The following LMF1 variants were observed in gnomAD, a reference collection of about 807,000 sequenced individuals.
LMF1 encodes the protein transmembrane protein 112.
LMF1 carries 68 observed loss-of-function variants against 60.6 expected under a neutral mutation model. The observed-to-expected ratio is 1.12, with a 90% CI of 0.92 to 1.37. The LOEUF (loss-of-function observed/expected upper bound fraction) is 1.37. Ranked by LOEUF, LMF1 falls within the 40% of genes most tolerant of loss-of-function variation. The pLI, the probability that LMF1 is intolerant of heterozygous loss-of-function variation, is 0.00. For synonymous variants in LMF1, 418 were observed against 324.7 expected, an observed-to-expected ratio of 1.29 and a Z score of -3.09; for missense variants, 948 against 767.2, an observed-to-expected ratio of 1.24 and a Z score of -2.78.
chr16:916,483 C>T (rs1169557617), intron 3 of LMF1, among the ~76,000 whole-genome samples: 1 of 152,220 alleles, frequency 6.6e-6, no homozygotes, highest in African/African-American at 2.4e-5. Flanking sequence ...TATGAAATAG[C>T]ACTGCAAATC....
At chr16:875,459 A>C (rs974588880) in intron 6 of LMF1, among the ~76,000 whole-genome samples, 1 of 152,070 alleles carries the variant, frequency 6.6e-6, no homozygotes, top group African/African-American at 2.4e-5. Context: ...TCCCCATTCC[A>C]TGTCACGGTA....
chr16:976,112 C>T (rs2073134642), intron 1 of LMF1: 2 of 360,238 alleles, frequency 5.6e-6, no homozygotes, highest in Non-Finnish European at 5.2e-6. Flanking sequence ...AGTCAGTCCT[C>T]TCCTGCTGAT....
rs1440053289 is a variant in LMF1 at position 960,351 on chromosome 16, A to G, written c.194-5685T>C. 2.8e-5 allele frequency among the ~76,000 whole-genome samples: 3 copies of G among 108,738 alleles called. 1 individual carries two copies. The highest frequency in any genetic ancestry group is 1.2e-4 in the African/African-American group (3 of 25,812). The allele number at this position is 108,738 out of a possible 152,430, so 71.3% of individuals were successfully genotyped here. A position where few individuals can be genotyped will look rare whatever the true frequency, so the allele number is the denominator to read the frequency against. ...CACAGACTCACGGTGACAGCACGGG[A>G]TCACGACCCAGACACAGACTCACGG... On this transcript the variant is annotated intron_variant, in intron 1 of 10. Coordinates refer to ENST00000262301, the MANE Select transcript of LMF1 (RefSeq NM_022773.4).
rs1567278563 is a variant in LMF1, at chr16:939,026, C to G, written c.504-4772G>C. On this transcript the variant is annotated intron_variant, in intron 2 of 10. Coordinates refer to ENST00000262301, the MANE Select transcript of LMF1 (RefSeq NM_022773.4). ...GGGTTACACCTTCCACGTGCATTTA[C>G]CTTCCCGGACAGCAGGGCCTCTTAC... Among the ~76,000 whole-genome samples the G allele has an allele frequency of 3.9e-5, 6 of 152,134 alleles. No individual in the cohort carries two copies. The South Asian group carries it at 1.2e-3, about 32-fold the overall frequency.
intron 2 of LMF1, among the ~76,000 whole-genome samples, chr16:944,485 C>T (rs955831724): frequency 3.9e-5 from 6 of 152,220 alleles, no homozygotes; most frequent in African/African-American, 1.2e-4. Context: ...TGCTGGGTGC[C>T]CTAGCTGTGG....
chr16:871,421 A>T, intron 6 of LMF1, 80 bp from the exon 7 acceptor site: 24 of 1,227,704 alleles, frequency 2.0e-5, no homozygotes, highest in Non-Finnish European at 2.8e-5. Flanking sequence ...TTCCTGGAGC[A>T]GGGAGGGGGG....
intron 6 of LMF1, among the ~76,000 whole-genome samples, chr16:876,951 T>C (rs540207738): frequency 6.6e-6 from 1 of 152,304 alleles, no homozygotes; most frequent in Admixed American, 6.5e-5. Flanking sequence ...TCAGTTGAGA[T>C]ATACGGGCCT....
rs140686463 is a variant in LMF1, at chr16:871,046, C to T, written c.1078+115G>A. On this transcript the variant is annotated intron_variant, in intron 7 of 10. Transcript: ENST00000262301. ...TGTTCCTGGCACGCTACACTGCGGA[C>T]GGCGCTGACTCTCCTCCTACCCTGG... The T allele has an allele frequency of 2.9e-4, 411 of 1,395,324 alleles. 1 individual carries two copies. In the African/African-American group the frequency reaches 4.1e-3, roughly 14 times the overall value. 86.4% of individuals were successfully genotyped at this position (1,395,324 alleles called of 1,614,324 possible). A position where few individuals can be genotyped will look rare whatever the true frequency, so the allele number is the denominator to read the frequency against.
chr16:900,193 G>C (rs779767915), intron 4 of LMF1: 2 of 152,242 alleles, frequency 1.3e-5, no homozygotes, highest in African/African-American at 2.4e-5. Context: ...TTAGTTACTG[G>C]AGTTTCCACG....
chr16:879,466 G>T, intron 6 of LMF1, 104 bp downstream of exon 6: 1 of 1,323,658 alleles, frequency 7.6e-7, no homozygotes. Context: ...AAGAAAGGGG[G>T]CCTGTAATGC....
intron 3 of LMF1, among the ~76,000 whole-genome samples, chr16:931,250 G>A (rs1259840628): frequency 6.6e-6 from 1 of 152,242 alleles, no homozygotes; most frequent in Non-Finnish European, 1.5e-5. Context: ...ATTAATTTTA[G>A]AAACACATGT....
chr16:908,287 T>G (rs559628872), intron 4 of LMF1, among the ~76,000 whole-genome samples: 2 of 152,266 alleles, frequency 1.3e-5, no homozygotes, highest in African/African-American at 2.4e-5. Flanking sequence ...TCTAATTAAA[T>G]GGAAAAGTAA....
intron 2 of LMF1, among the ~76,000 whole-genome samples, chr16:944,571 C>T (rs72769403): frequency 0.065 from 9,889 of 152,322 alleles, 331 homozygotes; most frequent in Non-Finnish European, 0.073. Flanking sequence ...GGACAGCAGT[C>T]CTGGGCACCT....
upstream of LMF1, among the ~76,000 whole-genome samples, chr16:971,440 G>T (rs925466987): frequency 1.3e-5 from 2 of 152,268 alleles, no homozygotes; most frequent in African/African-American, 4.8e-5. Context: ...CTCTGCGGAG[G>T]AGGGTGCTAG....
rs2070071236 is a variant in LMF1 at position 878,747 on chromosome 16, G to GGGGCCGGGGC, written c.897+822_897+823insGCCCCGGCCC. On this transcript the variant is annotated intron_variant, in intron 6 of 10. Transcript: ENST00000262301. This position sits in a 1 kb window ranked among gnomAD's most constrained non-coding sequence, Gnocchi z 5.2. ...GGGTGGGCAGGGCAGGGGAAGGGCG[G>GGGGCCGGGGC]GGGCAGGGGCGGGCAGGGCAGGGGA... Among the ~76,000 whole-genome samples the GGGGCCGGGGC allele has an allele frequency of 7.0e-6, 1 of 142,868 alleles. No homozygotes were observed. Among genetic ancestry groups the GGGGCCGGGGC allele is most frequent in the African/African-American group, 2.8e-5 (1 of 36,134 alleles). The allele number at this position is 142,868 out of a possible 152,430, so 93.7% of individuals were successfully genotyped here.
Position 878,834 on chromosome 16 carries a change from G to C in LMF1, c.897+736C>G, listed in dbSNP as rs998121131. On this transcript the variant is annotated intron_variant, in intron 6 of 10. Transcript: ENST00000262301. This position sits in a 1 kb window ranked among gnomAD's most constrained non-coding sequence, Gnocchi z 5.2. Reference sequence around the variant, plus strand: ...AGCACGTGGAACGCCACCTGGACCTGTGCATTTTCCTGGCTGTATGTTACA... The same window carrying C: ...AGCACGTGGAACGCCACCTGGACCTCTGCATTTTCCTGGCTGTATGTTACA... Among the ~76,000 whole-genome samples the C allele has an allele frequency of 8.5e-5, 13 of 152,174 alleles. No homozygotes were observed. Among genetic ancestry groups the C allele is most frequent in the African/African-American group, 2.9e-4 (12 of 41,410 alleles).
At chr16:867,522 G>A (rs1219682830) in intron 10 of LMF1, among the ~76,000 whole-genome samples, 1 of 152,198 alleles carries the variant, frequency 6.6e-6, no homozygotes, top group Non-Finnish European at 1.5e-5. Flanking sequence ...AGCCTCGAAG[G>A]ACGAGCTCTG....
chr16:973,270 G>A (rs1405494570), upstream of LMF1, among the ~76,000 whole-genome samples: 8 of 152,170 alleles, frequency 5.3e-5, no homozygotes, highest in African/African-American at 1.7e-4. Context: ...GCTTGAACCC[G>A]GGAGGTGGAG....
chr16:854,457 G>T lies in LMF1; in HGVS notation c.*75C>A, dbSNP rs1451333057. ...GTCTCTCTTGGCGATGCCCAGCTTG[G>T]GCTGGGCGCAGGGAAGGGCAAACGT... On this transcript the variant is annotated 3_prime_UTR_variant, in exon 11 of 11. Coordinates refer to ENST00000262301, the MANE Select transcript of LMF1 (RefSeq NM_022773.4). The T allele has an allele frequency of 7.0e-7, 1 of 1,419,060 alleles. No individual in the cohort carries two copies. The highest frequency in any genetic ancestry group is 1.2e-5 in the South Asian group (1 of 81,582). The allele number at this position is 1,419,060 out of a possible 1,614,324, so 87.9% of individuals were successfully genotyped here. A position where few individuals can be genotyped will look rare whatever the true frequency, so the allele number is the denominator to read the frequency against.
Sources: allele counts gnomAD v4.1 joint callset (sites outside exome capture counted in the v4.1 genomes callset), GRCh38; gene constraint gnomAD v4.1.1; non-coding constraint Gnocchi (gnomAD v3.1); transcripts MANE v1.5; gene names NCBI Gene and HGNC (gene_info 2026-07-23, HGNC 2026-07-21).